KCNMA1: variants seen among roughly 807,000 people sequenced by gnomAD.
KCNMA1 encodes potassium calcium-activated channel subfamily M alpha 1, also known as Calcium-activated potassium channel subunit alpha-1.
Under a neutral mutation model 140.0 loss-of-function variants are expected in KCNMA1, and 29 were observed. The observed-to-expected ratio is 0.21, with a 90% CI of 0.15 to 0.28. KCNMA1 has a LOEUF of 0.28. Among genes scored for constraint, KCNMA1 ranks in the 10% least tolerant of loss-of-function variants. KCNMA1 has a pLI of 1.00. For missense variants in KCNMA1, 880 were observed against 1,602.2 expected (o/e 0.55, Z 7.70); for synonymous variants, 612 against 611.9 (o/e 1.00, Z 0.00).
intron 24 of KCNMA1, chr10:76,910,435 A>C (rs970137849): frequency 5.0e-5 from 17 of 343,202 alleles, no homozygotes; most frequent in Non-Finnish European, 9.7e-5. Context: ...TTGGTAACCA[A>C]GTCCTTTGAG....
At chr10:77,149,515 G>C (rs1321593165) in intron 5 of KCNMA1, among the ~76,000 whole-genome samples, 1 of 152,122 alleles carries the variant, frequency 6.6e-6, no homozygotes, top group Non-Finnish European at 1.5e-5. Context: ...ATGTGTAGAA[G>C]GAATGAGGAA....
intron 1 of KCNMA1, among the ~76,000 whole-genome samples, chr10:77,524,164 C>T (rs766362648): frequency 7.2e-5 from 11 of 152,142 alleles, no homozygotes; most frequent in Non-Finnish European, 1.2e-4. Context: ...AACTTATCCT[C>T]GATGTCCAAG....
rs7918245 is a variant in KCNMA1 at position 77,083,847 on chromosome 10, C to T, written c.1523+790G>A. 7.8e-4 allele frequency among the ~76,000 whole-genome samples: 95 copies of T among 122,318 alleles called. 1 individual carries two copies. The Admixed American group carries it at 8.3e-3, about 11-fold the overall frequency. The allele number at this position is 122,318 out of a possible 152,430, so 80.2% of individuals were successfully genotyped here. A position where few individuals can be genotyped will look rare whatever the true frequency, so the allele number is the denominator to read the frequency against. Reference sequence around the variant, plus strand: ...GAGACTCTGTCTCTATGAAAAAAAACGGGGGGGGGTTGGGGGAGGTGGGAG... The same window carrying T: ...GAGACTCTGTCTCTATGAAAAAAAATGGGGGGGGGTTGGGGGAGGTGGGAG... On this transcript the variant is annotated intron_variant, in intron 12 of 27. Coordinates refer to ENST00000286628, the MANE Select transcript of KCNMA1 (RefSeq NM_001161352.2).
At chr10:77,286,266 G>A (rs373904811) in intron 2 of KCNMA1, among the ~76,000 whole-genome samples, 13 of 152,076 alleles carry the variant, frequency 8.5e-5, no homozygotes, top group Admixed American at 7.2e-4. Flanking sequence ...TCATTTAAAC[G>A]CCACCTCGAT....
chr10:77,310,289 T>A (rs2078935712), intron 2 of KCNMA1, among the ~76,000 whole-genome samples: 1 of 152,164 alleles, frequency 6.6e-6, no homozygotes, highest in Non-Finnish European at 1.5e-5. Flanking sequence ...CCCCTGCTGC[T>A]GCAGTGCCTA....
intron 5 of KCNMA1, among the ~76,000 whole-genome samples, chr10:77,129,508 CA>C (rs2097807545): frequency 6.6e-6 from 1 of 152,018 alleles, no homozygotes; most frequent in Non-Finnish European, 1.5e-5. Flanking sequence ...AGCACACTAC[CA>C]GTCTATTTAA....
chr10:77,633,279 C>A (rs189273552), intron 1 of KCNMA1, among the ~76,000 whole-genome samples: 1 of 152,122 alleles, frequency 6.6e-6, no homozygotes, highest in East Asian at 1.9e-4. Flanking sequence ...CGTGCCGCTG[C>A]ACTCCAGCCT....
chr10:77,634,186 A>G, intron 1 of KCNMA1: 1 of 985,436 alleles, frequency 1.0e-6, no homozygotes, highest in Non-Finnish European at 1.2e-6. Context: ...ACAGGATTGA[A>G]CTTCACAACG....
chr10:77,061,378 T>C (rs1369597929), intron 14 of KCNMA1, among the ~76,000 whole-genome samples: 1 of 152,176 alleles, frequency 6.6e-6, no homozygotes, highest in Non-Finnish European at 1.5e-5. Flanking sequence ...CCAAAAAGCA[T>C]ATACAGATGA....
chr10:77,591,581 G>C (rs1284382109), intron 1 of KCNMA1, among the ~76,000 whole-genome samples: 1 of 152,340 alleles, frequency 6.6e-6, no homozygotes, highest in South Asian at 2.1e-4. Context: ...CCAGCAATTG[G>C]TGTTTTAATA....
At chr10:77,474,485 T>A (rs1258794329) in intron 1 of KCNMA1, among the ~76,000 whole-genome samples, 1 of 152,186 alleles carries the variant, frequency 6.6e-6, no homozygotes, top group African/African-American at 2.4e-5. Context: ...AAACCAATCC[T>A]GCTGGCACCT....
chr10:76,943,296 G>A (rs2063075130), intron 23 of KCNMA1, among the ~76,000 whole-genome samples: 1 of 152,206 alleles, frequency 6.6e-6, no homozygotes, highest in Non-Finnish European at 1.5e-5. Flanking sequence ...AGCTGAGCAG[G>A]TGGATACCAA....
At chr10:77,005,088 C>G (rs1194888813) in intron 18 of KCNMA1, among the ~76,000 whole-genome samples, 1 of 152,186 alleles carries the variant, frequency 6.6e-6, no homozygotes, top group Non-Finnish European at 1.5e-5. Context: ...AGGTTTTCCC[C>G]AGGATGTCAA....
intron 1 of KCNMA1, chr10:77,587,774 A>C: frequency 4.1e-6 from 4 of 985,398 alleles, no homozygotes; most frequent in Non-Finnish European, 4.8e-6. Context: ...ATCAACAAGC[A>C]AACACTTACT....
At chr10:77,512,974 G>C (rs1185757977) in intron 1 of KCNMA1, among the ~76,000 whole-genome samples, 1 of 152,136 alleles carries the variant, frequency 6.6e-6, no homozygotes, top group African/African-American at 2.4e-5. Context: ...TGTTACAAGA[G>C]TGAACTTCAC....
intron 2 of KCNMA1, among the ~76,000 whole-genome samples, chr10:77,401,782 A>C (rs2096275757): frequency 6.6e-6 from 1 of 152,180 alleles, no homozygotes; most frequent in South Asian, 2.1e-4. Flanking sequence ...TGGGAGTTTT[A>C]GTTCAAAGAC....
Position 77,574,260 on chromosome 10 carries a change from G to GTATATATA in KCNMA1, c.378+62997_378+63004dup, listed in dbSNP as rs139904997. On this transcript the variant is annotated intron_variant, in intron 1 of 27. Transcript: ENST00000286628. ...TATATATATTAATATCTATGCGTGT[G>GTATATATA]TATATATATATATATATAAAATCTA... Among the ~76,000 whole-genome samples, 6 of 148,542 alleles carry GTATATATA rather than the reference G, an allele frequency of 4.0e-5. No homozygotes were observed. In the East Asian group the frequency reaches 5.9e-4, roughly 15 times the overall value.
intron 1 of KCNMA1, among the ~76,000 whole-genome samples, chr10:77,416,004 A>C (rs1351172260): frequency 6.6e-6 from 1 of 152,200 alleles, no homozygotes; most frequent in Admixed American, 6.5e-5. Flanking sequence ...TTTGCTTGTC[A>C]AAATAAAAAG....
rs1042199266 is a variant in KCNMA1 at position 77,623,652 on chromosome 10, G to A, written c.378+13613C>T. On this transcript the variant is annotated intron_variant, in intron 1 of 27. Coordinates refer to ENST00000286628, the MANE Select transcript of KCNMA1 (RefSeq NM_001161352.2). ...CAGGAGACAAAGGTTGAGGTGAGCC[G>A]AGATCGTGACACTGCACCCTAGCCT... 2.0e-5 allele frequency among the ~76,000 whole-genome samples: 3 copies of A among 151,314 alleles called. No homozygotes were observed. The East Asian group carries it at 5.8e-4, about 29-fold the overall frequency.
Sources: gnomAD v4.1 joint callset for allele counts (sites outside exome capture counted in the v4.1 genomes callset) on GRCh38, gnomAD v4.1.1 for gene constraint, MANE v1.5 for transcripts, NCBI Gene and HGNC (gene_info 2026-07-23, HGNC 2026-07-21) for gene names.